The following CFAP418 variants were observed in gnomAD, a reference collection of about 807,000 sequenced individuals.
The protein encoded by CFAP418 is cilia- and flagella-associated protein 418.
In CFAP418, 27 loss-of-function variants were observed where a neutral mutation model predicts 24.7. The observed-to-expected ratio is 1.09, with a 90% confidence interval of 0.81 to 1.51. The LOEUF is 1.51. Among genes scored for constraint, CFAP418 ranks in the 40% most tolerant of loss-of-function variants. The pLI, the probability that CFAP418 is intolerant of heterozygous loss-of-function variation, is 0.00. For synonymous variants in CFAP418, 74 were observed against 87.3 expected (o/e 0.85, Z 0.85); for missense variants, 257 against 255.2 (o/e 1.01, Z -0.05).
At chr8:95,266,214 A>G (rs1811977205) in intron 1 of CFAP418, among the ~76,000 whole-genome samples, 1 of 152,190 alleles carries the variant, frequency 6.6e-6, no homozygotes, top group African/African-American at 2.4e-5. Flanking sequence ...AGCTCAATAA[A>G]TGTTGGCTGT....
intron 5 of CFAP418, 129 bp from the exon 6 acceptor site, chr8:95,247,899 G>T: frequency 1.0e-6 from 1 of 965,026 alleles, no homozygotes; most frequent in Non-Finnish European, 1.5e-6. Context: ...TGTTACTCAG[G>T]CTGGATTGCG....
intron 5 of CFAP418, among the ~76,000 whole-genome samples, chr8:95,250,002 C>A (rs919924827): frequency 6.6e-6 from 1 of 152,180 alleles, no homozygotes; most frequent in African/African-American, 2.4e-5. Flanking sequence ...TGCTCTTGAC[C>A]CTATTGTCTC....
At position 95,247,469 on chromosome 8, in the gene CFAP418, T is replaced by C. The variant is rs1414088465; in HGVS notation, c.*148A>G. 5.0e-6 allele frequency: 4 copies of C among 797,966 alleles called. No homozygotes were observed. The highest frequency in any genetic ancestry group is 2.3e-4 in the Middle Eastern group (1 of 4,320). The allele number at this position is 797,966 out of a possible 1,614,324, so 49.4% of individuals were successfully genotyped here. On this transcript the variant is annotated 3_prime_UTR_variant, in exon 6 of 6. Coordinates refer to ENST00000286688, the MANE Select transcript of CFAP418 (RefSeq NM_177965.4). ...ACATGATCTTCCTTAGTCCATTTGG[T>C]CTTCAAAAATGTATGTAGTTGTATC...
rs1811719117 is a variant in CFAP418, at chr8:95,252,182, A to G, written c.470+6T>C. 1 of 1,601,028 alleles carries G rather than the reference A, an allele frequency of 6.2e-7. No homozygotes were observed. Among genetic ancestry groups the G allele is most frequent in the Admixed American group, 1.7e-5 (1 of 58,940 alleles). On this transcript the variant is annotated splice_donor_region_variant and intron_variant, in intron 5 of 5. Transcript: ENST00000286688. ...TTTTTCAGAGTGAAGTTCTTTAGCA[A>G]CATACCTGAAAAACAGATAATCACA...
In CFAP418 at chr8:95,268,751, CGGGCGGGGCG is replaced by C. The variant is rs71273476; in HGVS notation, c.155+274_155+283del. ...AGACTGGCGCGGACTGCGGGCTCTG[CGGGCGGGGCG>C]GGGCGGGGCGGGGCGGGGCGGGGCG... On this transcript the variant is annotated intron_variant, in intron 1 of 5. Coordinates refer to ENST00000286688, the MANE Select transcript of CFAP418 (RefSeq NM_177965.4). 9.6e-3 allele frequency: 1,095 copies of C among 114,012 alleles called. 12 individuals carry two copies. Among genetic ancestry groups the C allele is most frequent in the African/African-American group, 0.025 (377 of 14,984 alleles). The allele number at this position is 114,012 out of a possible 1,614,324, so 7.1% of individuals were successfully genotyped here. A position where few individuals can be genotyped will look rare whatever the true frequency, so the allele number is the denominator to read the frequency against.
intron 5 of CFAP418, among the ~76,000 whole-genome samples, chr8:95,251,939 T>C (rs1811715588): frequency 1.3e-5 from 2 of 152,206 alleles, no homozygotes; most frequent in South Asian, 2.1e-4. Flanking sequence ...CATTGCAGTA[T>C]AATATTACAA....
chr8:95,268,466 C>G (rs529266040), intron 1 of CFAP418, among the ~76,000 whole-genome samples: 4 of 152,166 alleles, frequency 2.6e-5, no homozygotes, highest in African/African-American at 9.6e-5. Flanking sequence ...CAGAGCGAGA[C>G]TCCATCTCAA....
chr8:95,251,332 A>G (rs1016359000), intron 5 of CFAP418, among the ~76,000 whole-genome samples: 5 of 152,236 alleles, frequency 3.3e-5, no homozygotes, highest in African/African-American at 1.2e-4. Flanking sequence ...GGGTTTAGGT[A>G]GATAAAATGG....
chr8:95,247,879 G>C, intron 5 of CFAP418, 109 bp from the exon 6 acceptor site: 1 of 1,178,958 alleles, frequency 8.5e-7, no homozygotes, highest in Non-Finnish European at 1.2e-6. Flanking sequence ...TTTGTTTTTA[G>C]GAGTCTCATT....
intron 4 of CFAP418, among the ~76,000 whole-genome samples, chr8:95,253,135 C>G (rs1175742231): frequency 2.0e-5 from 3 of 152,034 alleles, no homozygotes; most frequent in Non-Finnish European, 2.9e-5. Context: ...CAGTGAAACC[C>G]CATCTCTACT....
intron 5 of CFAP418, among the ~76,000 whole-genome samples, chr8:95,250,069 C>T (rs765381128): frequency 3.3e-5 from 5 of 152,312 alleles, no homozygotes; most frequent in Non-Finnish European, 7.4e-5. Flanking sequence ...CCCTGGGTTC[C>T]TCTCATCTTA....
chr8:95,259,487 T>C (rs1811849881), intron 4 of CFAP418, among the ~76,000 whole-genome samples: 2 of 152,216 alleles, frequency 1.3e-5, no homozygotes, highest in South Asian at 4.1e-4. Context: ...TGCATGCTAA[T>C]TGGCCAAGGC....
intron 4 of CFAP418, among the ~76,000 whole-genome samples, chr8:95,258,241 G>C (rs1811825408): frequency 6.6e-6 from 1 of 151,798 alleles, no homozygotes; most frequent in Non-Finnish European, 1.5e-5. Context: ...AATTAGCCGG[G>C]CGTGGTGGCG....
At chr8:95,268,790 CGG>C in intron 1 of CFAP418, 2 of 138,566 alleles carry the variant, frequency 1.4e-5, no homozygotes, top group South Asian at 2.8e-4. Context: ...CGGGGCGGGG[CGG>C]GGGCCAGCCC....
chr8:95,264,708 G>T lies in CFAP418; in HGVS notation c.156-934C>A, dbSNP rs558766912. Among the ~76,000 whole-genome samples the T allele has an allele frequency of 2.2e-4, 33 of 152,254 alleles. 1 individual carries two copies. In the South Asian group the frequency reaches 6.8e-3, roughly 32 times the overall value. On this transcript the variant is annotated intron_variant, in intron 1 of 5. Coordinates refer to ENST00000286688, the MANE Select transcript of CFAP418 (RefSeq NM_177965.4). The stretch of plus-strand genomic sequence containing the variant: ...AGTCAAACTCTCTAATTTCAGAAAT[G>T]TATTTACTCTGACAATTTTTAACAT...
chr8:95,267,573 A>G lies in CFAP418; in HGVS notation c.155+1462T>C, dbSNP rs912059317. Among the ~76,000 whole-genome samples the G allele has an allele frequency of 2.0e-5, 3 of 152,258 alleles. No individual in the cohort carries two copies. In the East Asian group the frequency reaches 5.8e-4, roughly 29 times the overall value. ...CACTGCACTCCAGCCTGGGCGACAG[A>G]GCGAAACTCAAAAATAAATAAATAA... On this transcript the variant is annotated intron_variant, in intron 1 of 5. Transcript: ENST00000286688.
intron 5 of CFAP418, among the ~76,000 whole-genome samples, chr8:95,251,080 A>G (rs1035734566): frequency 1.1e-4 from 16 of 152,256 alleles, no homozygotes; most frequent in African/African-American, 3.6e-4. Context: ...CACCTTAAAG[A>G]TAGTAGGTAT....
At chr8:95,261,059 C>T (rs955873272) in intron 2 of CFAP418, among the ~76,000 whole-genome samples, 13 of 152,264 alleles carry the variant, frequency 8.5e-5, no homozygotes, top group African/African-American at 2.9e-4. Flanking sequence ...TAGTCACAAC[C>T]ATACAGTAGT....
At chr8:95,265,540 T>C (rs1811964849) in intron 1 of CFAP418, among the ~76,000 whole-genome samples, 1 of 152,150 alleles carries the variant, frequency 6.6e-6, no homozygotes, top group South Asian at 2.1e-4. Context: ...TGGGTACCAA[T>C]TCCTTATATT....
Sources: gnomAD v4.1 joint callset for allele counts (sites outside exome capture counted in the v4.1 genomes callset) on GRCh38, gnomAD v4.1.1 for gene constraint, MANE v1.5 for transcripts, NCBI Gene and HGNC (gene_info 2026-07-23, HGNC 2026-07-21) for gene names.